Variants in MTDH observed in about 807,000 individuals in gnomAD.
The protein encoded by MTDH is metadherin, also known as protein LYRIC.
A neutral mutation model predicts 72.7 loss-of-function variants in MTDH; 34 were observed. The observed-to-expected ratio is 0.47, with a 90% CI of 0.36 to 0.62. The LOEUF is 0.62. Ranked by LOEUF, MTDH falls within the 20% of genes least tolerant of loss-of-function variation. MTDH has a pLI of 0.00. For missense variants in MTDH, 677 were observed against 699.4 expected (o/e 0.97, Z 0.36); for synonymous variants, 266 against 268.9 (o/e 0.99, Z 0.10).
At chr8:97,710,808 T>C (rs1219222964) in intron 8 of MTDH, among the ~76,000 whole-genome samples, 1 of 151,522 alleles carries the variant, frequency 6.6e-6, no homozygotes, top group Middle Eastern at 3.2e-3. Context: ...GAGACCAGCC[T>C]GACCAACAAG....
chr8:97,694,084 A>C (rs1044677538), intron 6 of MTDH, among the ~76,000 whole-genome samples: 1 of 152,148 alleles, frequency 6.6e-6, no homozygotes, highest in Non-Finnish European at 1.5e-5. Context: ...TCTTGTGCTT[A>C]TGGCAGATAT....
At chr8:97,649,193 C>G (rs767061886) in intron 1 of MTDH, among the ~76,000 whole-genome samples, 2 of 152,158 alleles carry the variant, frequency 1.3e-5, no homozygotes, top group African/African-American at 2.4e-5. Context: ...TCTCATTAAG[C>G]AGTGTATGAC....
At chr8:97,682,262 A>ATATATATG (rs1813152175) in intron 2 of MTDH, among the ~76,000 whole-genome samples, 3 of 5,418 alleles carry the variant, frequency 5.5e-4, no homozygotes, top group African/African-American at 2.3e-3. Context: ...ATATATATAT[A>ATATATATG]TATATATATA....
At chr8:97,674,468 T>A (rs989555720) in intron 2 of MTDH, among the ~76,000 whole-genome samples, 3 of 152,204 alleles carry the variant, frequency 2.0e-5, no homozygotes, top group African/African-American at 7.2e-5. Context: ...CTAGTATGCT[T>A]CTTGGATAAT....
chr8:97,669,171 C>T (rs977532938), intron 2 of MTDH, among the ~76,000 whole-genome samples: 11 of 151,926 alleles, frequency 7.2e-5, no homozygotes, highest in East Asian at 1.9e-4. Context: ...TTTTTTGAGA[C>T]GGAGTCTCGC....
chr8:97,718,505 GTTTTTGTTTTTGTTT>G (rs1228046824), intron 9 of MTDH, among the ~76,000 whole-genome samples: 1 of 137,428 alleles, frequency 7.3e-6, no homozygotes, highest in Non-Finnish European at 1.5e-5. Context: ...GTTTTTTTTT[GTTTTTGTTTTTGTTT>G]TTTTTGTTTT....
At chr8:97,672,629 A>T (rs751410804) in intron 2 of MTDH, among the ~76,000 whole-genome samples, 3 of 152,150 alleles carry the variant, frequency 2.0e-5, no homozygotes, top group Non-Finnish European at 4.4e-5. Context: ...CCAGTCAGTC[A>T]TTTTTCCACT....
rs1016115304 is a variant in MTDH at position 97,690,985 on chromosome 8, A to G, written c.845A>G (p.Asn282Ser). 6.2e-6 allele frequency: 10 copies of G among 1,613,782 alleles called. No homozygotes were observed. Among genetic ancestry groups the G allele is most frequent in the South Asian group, 3.3e-5 (3 of 91,060 alleles). The change falls in exon 6 of 12, where the codon AAT becomes AGT. Residue 282 changes from asparagine to serine, a missense_variant. Around this residue, in one of 3 missense-constraint regions of MTDH, gnomAD observed 467 missense variants for 469.1 expected, o/e 1.00. Coordinates refer to ENST00000336273, the MANE Select transcript of MTDH (RefSeq NM_178812.4). ...GGATTGAATGAAAACCTCACTGTCAATGGAGGAGGCTGGAATGAAAAGTCT... is the reference window on the plus strand; with the variant it reads ...GGATTGAATGAAAACCTCACTGTCAGTGGAGGAGGCTGGAATGAAAAGTCT... ...SSGLNENLTV[N>S]GGGWNEKSVK...
At chr8:97,702,047 T>C (rs1005471002) in intron 7 of MTDH, among the ~76,000 whole-genome samples, 2 of 152,232 alleles carry the variant, frequency 1.3e-5, no homozygotes, top group Non-Finnish European at 1.5e-5. Flanking sequence ...AATTTAGTTA[T>C]TACTTCTGAA....
At chr8:97,686,812 T>G in intron 3 of MTDH, 60 bp downstream of exon 3, 1 of 1,187,692 alleles carries the variant, frequency 8.4e-7, no homozygotes, top group Non-Finnish European at 1.2e-6. Context: ...TCAAAGTGTA[T>G]TATATAAAAG....
At chr8:97,677,108 A>G (rs1812882573) in intron 2 of MTDH, among the ~76,000 whole-genome samples, 1 of 142,062 alleles carries the variant, frequency 7.0e-6, no homozygotes. Flanking sequence ...ACTTGAGCCC[A>G]GGAGGTCAAG....
intron 6 of MTDH, among the ~76,000 whole-genome samples, chr8:97,693,601 C>CCAT (rs1457515366): frequency 1.3e-5 from 2 of 152,208 alleles, no homozygotes; most frequent in African/African-American, 4.8e-5. Context: ...ACTGGGATGA[C>CCAT]AGGCGTGAGC....
In MTDH at chr8:97,678,594, C is replaced by CTTTTTTTTTTTTTTTTTTT. The variant is rs35895126; in HGVS notation, c.484-8068_484-8050dup. ...GTTTCCTTTGCTTCCTTCCTTCCTT[C>CTTTTTTTTTTTTTTTTTTT]TTTTTTTTTTTTTTTTTTTTTTTTG... On this transcript the variant is annotated intron_variant, in intron 2 of 11. Coordinates refer to ENST00000336273, the MANE Select transcript of MTDH (RefSeq NM_178812.4). Among the ~76,000 whole-genome samples the CTTTTTTTTTTTTTTTTTTT allele has an allele frequency of 2.1e-4, 18 of 85,324 alleles. 4 individuals carry two copies. Among genetic ancestry groups the CTTTTTTTTTTTTTTTTTTT allele is most frequent in the East Asian group, 2.1e-3 (5 of 2,430 alleles). The allele number at this position is 85,324 out of a possible 152,430, so 56.0% of individuals were successfully genotyped here.
chr8:97,682,280 ATTTTTT>A (rs1175139487), intron 2 of MTDH, among the ~76,000 whole-genome samples: 4 of 3,630 alleles, frequency 1.1e-3, no homozygotes, highest in African/African-American at 3.3e-3. Context: ...ATATATATAT[ATTTTTT>A]TTTTTTTTTT....
chr8:97,665,408 G>A (rs1371244561), intron 2 of MTDH, among the ~76,000 whole-genome samples: 1 of 152,166 alleles, frequency 6.6e-6, no homozygotes, highest in Non-Finnish European at 1.5e-5. Context: ...CAGACTGAAT[G>A]CATTGTGCTA....
intron 1 of MTDH, among the ~76,000 whole-genome samples, chr8:97,653,826 G>A (rs1316561286): frequency 6.6e-6 from 1 of 152,194 alleles, no homozygotes; most frequent in East Asian, 1.9e-4. Context: ...ACTGCTCCAT[G>A]GAATGCCAGG....
chr8:97,674,518 A>G (rs922549481), intron 2 of MTDH, among the ~76,000 whole-genome samples: 4 of 152,206 alleles, frequency 2.6e-5, no homozygotes, highest in African/African-American at 7.2e-5. Context: ...TTGTATATAT[A>G]TTTGGGACAA....
intron 7 of MTDH, among the ~76,000 whole-genome samples, chr8:97,701,427 A>T (rs948005786): frequency 2.2e-4 from 33 of 152,188 alleles, no homozygotes; most frequent in South Asian, 4.1e-4. Flanking sequence ...AAGAAAAAAA[A>T]GTGTGTACAT....
intron 8 of MTDH, among the ~76,000 whole-genome samples, chr8:97,707,762 A>G (rs1814424927): frequency 1.3e-5 from 2 of 151,936 alleles, no homozygotes; most frequent in South Asian, 2.1e-4. Context: ...AAAGTTAAAC[A>G]TAGGCTGGGC....
Sources: allele counts gnomAD v4.1 joint callset (sites outside exome capture counted in the v4.1 genomes callset), GRCh38; gene constraint gnomAD v4.1.1; regional missense constraint gnomAD v4.1.1; transcripts MANE v1.5; gene names NCBI Gene and HGNC (gene_info 2026-07-23, HGNC 2026-07-21).